The following SMAD9 variants were observed in gnomAD, a reference collection of about 807,000 sequenced individuals.
The protein encoded by SMAD9 is SMAD family member 9.
Under a neutral mutation model 46.1 loss-of-function variants are expected in SMAD9, and 36 were observed. The ratio of observed to expected loss-of-function variants is 0.78; its 90% CI spans 0.60 to 1.03. The LOEUF is 1.03. Ranked by LOEUF, SMAD9 falls within the 50% of genes least tolerant of loss-of-function variation. The pLI is 0.00. For synonymous variants in SMAD9, 245 were observed against 237.1 expected (o/e 1.03, Z -0.31); for missense variants, 572 against 599.8 (o/e 0.95, Z 0.48).
chr13:36,891,451 G>A (rs1222567637), intron 1 of SMAD9, among the ~76,000 whole-genome samples: 1 of 152,168 alleles, frequency 6.6e-6, no homozygotes, highest in African/African-American at 2.4e-5. Flanking sequence ...TATTGGGGAG[G>A]TGCTATTTCT....
chr13:36,886,023 G>A (rs1459232610), intron 1 of SMAD9, among the ~76,000 whole-genome samples: 1 of 152,154 alleles, frequency 6.6e-6, no homozygotes, highest in Non-Finnish European at 1.5e-5. Context: ...AACGTAGAGG[G>A]GAGAGAGGCA....
chr13:36,860,660 A>T (rs977599686), intron 5 of SMAD9, among the ~76,000 whole-genome samples: 1 of 151,298 alleles, frequency 6.6e-6, no homozygotes, highest in African/African-American at 2.4e-5. Context: ...TCAGTGTGTT[A>T]GCCAGGAGGG....
chr13:36,916,829 G>A (rs1301680929), intron 1 of SMAD9, among the ~76,000 whole-genome samples: 1 of 151,360 alleles, frequency 6.6e-6, no homozygotes, highest in Admixed American at 6.6e-5. Flanking sequence ...GCCTGAACAG[G>A]GCATACAAGA....
chr13:36,869,938 G>C (rs1172122845), intron 3 of SMAD9, among the ~76,000 whole-genome samples: 1 of 152,148 alleles, frequency 6.6e-6, no homozygotes, highest in Non-Finnish European at 1.5e-5. Context: ...ATGGGTGGTT[G>C]TATGGTATGT....
rs926951702 is a variant in SMAD9 at position 36,845,370 on chromosome 13, A to G, written c.*3306T>C. 6.6e-6 allele frequency: 1 copy of G among 152,248 alleles called. No homozygotes were observed. The highest frequency in any genetic ancestry group is 1.5e-5 in the Non-Finnish European group (1 of 68,046). 9.4% of individuals were successfully genotyped at this position (152,248 alleles called of 1,614,324 possible). A position where few individuals can be genotyped will look rare whatever the true frequency, so the allele number is the denominator to read the frequency against. ...ATATGTGTTAAGTAGTGACATCTTT[A>G]TAGTTCCAAAGCACTCGCAGCTATT... On this transcript the variant is annotated 3_prime_UTR_variant, in exon 7 of 7. Transcript: ENST00000379826.
chr13:36,890,098 T>A (rs1002242432), intron 1 of SMAD9, among the ~76,000 whole-genome samples: 3 of 152,232 alleles, frequency 2.0e-5, no homozygotes, highest in African/African-American at 7.2e-5. Context: ...GCTCTTGCTG[T>A]GTAACTGCTA....
At chr13:36,857,985 T>C (rs1413893252) in intron 5 of SMAD9, among the ~76,000 whole-genome samples, 1 of 152,216 alleles carries the variant, frequency 6.6e-6, no homozygotes, top group Non-Finnish European at 1.5e-5. Flanking sequence ...TTATTTCTTA[T>C]ATAGTTAGAT....
At chr13:36,901,015 A>G (rs1211762846) in intron 1 of SMAD9, among the ~76,000 whole-genome samples, 1 of 152,176 alleles carries the variant, frequency 6.6e-6, no homozygotes, top group African/African-American at 2.4e-5. Context: ...GTTCACATAA[A>G]TGAAACCATA....
At chr13:36,872,548 T>A (rs1380571079) in intron 3 of SMAD9, 110 bp downstream of exon 3, 43 of 1,274,624 alleles carry the variant, frequency 3.4e-5, no homozygotes, top group Non-Finnish European at 4.6e-5. Context: ...GTAAACTGTT[T>A]ATACTATATG....
intron 1 of SMAD9, among the ~76,000 whole-genome samples, chr13:36,893,585 A>G (rs2058506057): frequency 6.6e-6 from 1 of 151,588 alleles, no homozygotes; most frequent in African/African-American, 2.4e-5. Flanking sequence ...CTTACAATTG[A>G]ATTTCATATA....
intron 1 of SMAD9, among the ~76,000 whole-genome samples, chr13:36,908,955 C>G (rs1487940890): frequency 6.6e-6 from 1 of 152,152 alleles, no homozygotes; most frequent in Non-Finnish European, 1.5e-5. Context: ...CAATGAAGTA[C>G]TATGGTAAGC....
At chr13:36,856,554 G>A (rs970536271) in intron 5 of SMAD9, among the ~76,000 whole-genome samples, 1 of 152,180 alleles carries the variant, frequency 6.6e-6, no homozygotes, top group Admixed American at 6.5e-5. Context: ...CCAGCCTCAG[G>A]GTGAGGGAGG....
chr13:36,887,514 C>A (rs778095083), intron 1 of SMAD9, among the ~76,000 whole-genome samples: 39 of 152,086 alleles, frequency 2.6e-4, no homozygotes, highest in South Asian at 8.3e-4. Context: ...TGAGCCATTG[C>A]GCCTGGCCGA....
chr13:36,913,214 G>A (rs1344784177), intron 1 of SMAD9, among the ~76,000 whole-genome samples: 1 of 152,146 alleles, frequency 6.6e-6, no homozygotes, highest in Non-Finnish European at 1.5e-5. Context: ...ATTACAGTTT[G>A]GGGAAGTAAG....
At chr13:36,879,109 C>T (rs1372526639) in intron 2 of SMAD9, among the ~76,000 whole-genome samples, 169 bp downstream of exon 2, 3 of 151,990 alleles carry the variant, frequency 2.0e-5, no homozygotes, top group South Asian at 2.1e-4. Flanking sequence ...TGCCTCATTC[C>T]GGGAAACAAA....
In SMAD9 at chr13:36,879,682, G is replaced by A. The variant is rs1386703057; in HGVS notation, c.8C>T (p.Ser3Phe). MH[S>F]TTPISSLFSF... The stretch of plus-strand genomic sequence containing the variant: ...GAAGAGGGAGCTGATGGGGGTGGTG[G>A]AGTGCATAAGAGGCCACAGCAGGCT... Residue 3 changes from serine to phenylalanine, a missense_variant, in exon 2 of 7, where the codon TCC becomes TTC. Ser to Phe is a radical substitution (Grantham distance 155, BLOSUM62 -2). Transcript: ENST00000379826. 2 of 1,613,952 alleles carry A rather than the reference G, an allele frequency of 1.2e-6. No individual in the cohort carries two copies. The highest frequency in any genetic ancestry group is 2.7e-5 in the African/African-American group (2 of 74,934).
chr13:36,915,280 A>G (rs1350784165), intron 1 of SMAD9, among the ~76,000 whole-genome samples: 1 of 152,204 alleles, frequency 6.6e-6, no homozygotes. Context: ...CAGTGATAGA[A>G]AACTGGCAAC....
rs1480158687 is a variant in SMAD9, at chr13:36,845,875, A to G, written c.*2801T>C. The G allele has an allele frequency of 1.3e-4, 20 of 152,188 alleles. No individual in the cohort carries two copies. The highest frequency in any genetic ancestry group is 1.3e-3 in the Admixed American group (20 of 15,282). 9.4% of individuals were successfully genotyped at this position (152,188 alleles called of 1,614,324 possible). Reference sequence around the variant, plus strand: ...GGTGATGATCATATGTGCCAATTTAATAATTTATTTGTCACAGAAAATTCA... The same window carrying G: ...GGTGATGATCATATGTGCCAATTTAGTAATTTATTTGTCACAGAAAATTCA... On this transcript the variant is annotated 3_prime_UTR_variant, in exon 7 of 7. Transcript: ENST00000379826.
At chr13:36,916,334 T>C (rs1489980967) in intron 1 of SMAD9, among the ~76,000 whole-genome samples, 1 of 152,216 alleles carries the variant, frequency 6.6e-6, no homozygotes, top group South Asian at 2.1e-4. Context: ...GAATCTGATA[T>C]GGAAAACTGC....
Sources: allele counts gnomAD v4.1 joint callset (sites outside exome capture counted in the v4.1 genomes callset), GRCh38; gene constraint gnomAD v4.1.1; transcripts MANE v1.5; gene names NCBI Gene and HGNC (gene_info 2026-07-23, HGNC 2026-07-21).